Variants in CCM2 observed in about 807,000 individuals in gnomAD.
CCM2 encodes CCM2 scaffold protein.
In CCM2, 25 loss-of-function variants were observed where a neutral mutation model predicts 44.9. That is an observed-to-expected ratio of 0.56 (90% CI 0.41 to 0.78). CCM2 has a LOEUF of 0.78. Among genes scored for constraint, CCM2 ranks in the 30% least tolerant of loss-of-function variants. The probability of loss-of-function intolerance (pLI) is 0.00; values close to 1 mark genes in which losing one functional copy is unlikely to be tolerated. For missense variants in CCM2, 481 were observed against 580.6 expected, an observed-to-expected ratio of 0.83 and a Z score of 1.76; for synonymous variants, 219 against 241.1, an observed-to-expected ratio of 0.91 and a Z score of 0.85.
intron 2 of CCM2, 25 bp from the exon 3 acceptor site, chr7:45,063,893 C>T: frequency 6.6e-7 from 1 of 1,525,318 alleles, no homozygotes; most frequent in Non-Finnish European, 9.1e-7. Flanking sequence ...TTTCTCATGG[C>T]ATTTTTTTCT....
intron 1 of CCM2, among the ~76,000 whole-genome samples, chr7:45,003,460 C>T (rs1203510336): frequency 1.3e-5 from 2 of 152,086 alleles, no homozygotes; most frequent in African/African-American, 4.8e-5. Flanking sequence ...GCTGTCTTGT[C>T]AGGGTTGGGT....
chr7:45,016,805 G>A (rs1796284611), intron 1 of CCM2, among the ~76,000 whole-genome samples: 1 of 152,126 alleles, frequency 6.6e-6, no homozygotes, highest in Admixed American at 6.6e-5. Context: ...GCTAATTTTT[G>A]TATTTTTGGT....
chr7:45,010,566 T>C (rs2128713779), intron 1 of CCM2, among the ~76,000 whole-genome samples: 2 of 152,286 alleles, frequency 1.3e-5, no homozygotes, highest in South Asian at 4.1e-4. Flanking sequence ...ATTCATTTGT[T>C]GGAGATTTAG....
intron 1 of CCM2, among the ~76,000 whole-genome samples, chr7:45,010,186 C>G (rs571684616): frequency 6.6e-6 from 1 of 152,206 alleles, no homozygotes; most frequent in Non-Finnish European, 1.5e-5. Flanking sequence ...GTTGGTATTA[C>G]AGGCGTGAGC....
chr7:45,001,310 ATT>A (rs1321009102), intron 1 of CCM2, among the ~76,000 whole-genome samples: 1 of 152,166 alleles, frequency 6.6e-6, no homozygotes, highest in African/African-American at 2.4e-5. Context: ...TTCTCAACTC[ATT>A]GTTTCATGTT....
In CCM2 at chr7:45,069,892, A is replaced by G. The variant is rs374628317; in HGVS notation, c.676A>G (p.Ile226Val). 30 of 1,614,028 alleles carry G rather than the reference A, an allele frequency of 1.9e-5. No individual in the cohort carries two copies. The highest frequency in any genetic ancestry group is 2.3e-5 in the Non-Finnish European group (27 of 1,180,034). Reference protein sequence around the residue: ...VFQVVYTESTIDFLDRAIFDG... With the variant: ...VFQVVYTESTVDFLDRAIFDG... ...CCAGGTTGTTTACACGGAGTCCACC[A>G]TCGACTTTCTGGACAGAGCGATATT... Residue 226 changes from isoleucine (I) to valine (V), a missense_variant, in exon 6 of 10, where the codon ATC becomes GTC. Coordinates refer to ENST00000258781, the MANE Select transcript of CCM2 (RefSeq NM_031443.4).
chr7:45,023,787 GTTTTTTTTTTTTTTTTTTTT>G (rs10596429), intron 1 of CCM2, among the ~76,000 whole-genome samples: 2 of 58,616 alleles, frequency 3.4e-5, no homozygotes, highest in Non-Finnish European at 5.9e-5. Context: ...CTCTGTATCA[GTTTTTTTTTTTTTTTTTTTT>G]TTTTTTTTTT....
At chr7:45,012,130 C>CTT (rs60568953) in intron 1 of CCM2, among the ~76,000 whole-genome samples, 9 of 94,086 alleles carry the variant, frequency 9.6e-5, no homozygotes, top group African/African-American at 1.5e-4. Context: ...ATCATAATAT[C>CTT]TTTTTTTTTT....
chr7:45,021,049 G>A (rs1055638319), intron 1 of CCM2, among the ~76,000 whole-genome samples: 40 of 152,148 alleles, frequency 2.6e-4, no homozygotes, highest in African/African-American at 9.2e-4. Flanking sequence ...TCATGAGGTC[G>A]AGAATATCGA....
At chr7:45,070,179 T>TGTA in intron 6 of CCM2, 1 of 597,024 alleles carries the variant, frequency 1.7e-6, no homozygotes, top group South Asian at 2.0e-5. Context: ...GTCAGCGCTA[T>TGTA]GGCTTCCTGG....
At chr7:45,020,972 A>G (rs1184822801) in intron 1 of CCM2, among the ~76,000 whole-genome samples, 1 of 152,166 alleles carries the variant, frequency 6.6e-6, no homozygotes, top group Non-Finnish European at 1.5e-5. Context: ...CACTGTGTAA[A>G]GAGCTTTCTG....
chr7:45,011,357 C>T (rs1163414334), intron 1 of CCM2, among the ~76,000 whole-genome samples: 2 of 151,072 alleles, frequency 1.3e-5, no homozygotes, highest in African/African-American at 2.4e-5. Flanking sequence ...CCACCACACC[C>T]GGCTAATTTT....
rs539941314 is a variant in CCM2, at chr7:45,062,678, T to G, written c.205-1240T>G. Among the ~76,000 whole-genome samples, 42 of 152,088 alleles carry G rather than the reference T, an allele frequency of 2.8e-4. 2 individuals carry two copies. In the South Asian group the frequency reaches 8.7e-3, roughly 32 times the overall value. On this transcript the variant is annotated intron_variant, in intron 2 of 9. Coordinates refer to ENST00000258781, the MANE Select transcript of CCM2 (RefSeq NM_031443.4). ...GGCAAAACCCTGTCTCTACAAAAAT[T>G]AGCCAGGCGTGGTGACACACACCTG...
Position 45,076,099 on chromosome 7 carries a change from G to A in CCM2, c.*42G>A, listed in dbSNP as rs1178564627. The A allele has an allele frequency of 3.7e-6, 6 of 1,610,898 alleles. No individual in the cohort carries two copies. The highest frequency in any genetic ancestry group is 2.2e-5 in the South Asian group (2 of 90,900). Reference sequence around the variant, plus strand: ...GGGCACCCACACCTTCCGCGCAGTCGTCATAGGCCTTCCCAGAAGGAGCTG... The same window carrying A: ...GGGCACCCACACCTTCCGCGCAGTCATCATAGGCCTTCCCAGAAGGAGCTG... On this transcript the variant is annotated 3_prime_UTR_variant, in exon 10 of 10. Transcript: ENST00000258781.
intron 1 of CCM2, among the ~76,000 whole-genome samples, chr7:45,020,143 A>T (rs1224150301): frequency 6.6e-6 from 1 of 152,074 alleles, no homozygotes; most frequent in Admixed American, 6.6e-5. Context: ...ACTGGGGCAT[A>T]CTCTCAGGAG....
At chr7:45,059,477 G>C (rs1437100467) in intron 2 of CCM2, among the ~76,000 whole-genome samples, 1 of 151,952 alleles carries the variant, frequency 6.6e-6, no homozygotes, top group Admixed American at 6.6e-5. Flanking sequence ...GGGTGCGGTG[G>C]CTCATGCCTG....
intron 2 of CCM2, among the ~76,000 whole-genome samples, chr7:45,046,768 A>G (rs1314852255): frequency 2.0e-5 from 3 of 152,260 alleles, no homozygotes; most frequent in Admixed American, 2.0e-4. Flanking sequence ...CTCTTGCTCT[A>G]TAAAAGACAA....
At chr7:45,048,758 TA>T (rs112489438) in intron 2 of CCM2, among the ~76,000 whole-genome samples, 353 of 140,984 alleles carry the variant, frequency 2.5e-3, no homozygotes, top group Middle Eastern at 7.0e-3. Context: ...CAAGACTGTC[TA>T]AAAAAAAAAA....
chr7:45,053,702 C>G (rs1232733804), intron 2 of CCM2, among the ~76,000 whole-genome samples: 1 of 152,154 alleles, frequency 6.6e-6, no homozygotes, highest in Non-Finnish European at 1.5e-5. Context: ...GGTTAGCTTC[C>G]CCTTCGGAGG....
Sources: allele counts gnomAD v4.1 joint callset (sites outside exome capture counted in the v4.1 genomes callset), GRCh38; gene constraint gnomAD v4.1.1; transcripts MANE v1.5; gene names NCBI Gene and HGNC (gene_info 2026-07-23, HGNC 2026-07-21).